The following TOX variants were observed in gnomAD, a reference collection of about 807,000 sequenced individuals.
TOX encodes thymocyte selection-associated high mobility group box protein TOX.
A neutral mutation model predicts 53.7 loss-of-function variants in TOX; 11 were observed. That is an observed-to-expected ratio of 0.20 (90% CI 0.13 to 0.34). TOX has a LOEUF of 0.34. TOX is among the 10% of genes least tolerant of loss of function. The pLI, the probability that TOX is intolerant of heterozygous loss-of-function variation, is 1.00. For missense variants in TOX, 570 were observed against 664.6 expected (o/e 0.86, Z 1.56); for synonymous variants, 225 against 245.3 (o/e 0.92, Z 0.77).
chr8:59,023,378 A>G (rs977588452), intron 1 of TOX, among the ~76,000 whole-genome samples: 18 of 17,884 alleles, frequency 1.0e-3, no homozygotes, highest in Non-Finnish European at 2.0e-3. Context: ...TCAATATTTG[A>G]GAATCACATA....
intron 1 of TOX, among the ~76,000 whole-genome samples, chr8:59,095,242 TG>T (rs201971469): frequency 0.013 from 1,988 of 151,580 alleles, 19 homozygotes; most frequent in Middle Eastern, 0.024. Flanking sequence ...CTAAAAGAGT[TG>T]TTTTTTTTTT....
intron 1 of TOX, among the ~76,000 whole-genome samples, chr8:59,115,816 G>A (rs1805090456): frequency 6.6e-6 from 1 of 152,070 alleles, no homozygotes; most frequent in South Asian, 2.1e-4. Flanking sequence ...TTCCCACAAT[G>A]GGCTATGTGA....
At chr8:59,070,212 AAAGTTT>A (rs1243464423) in intron 1 of TOX, among the ~76,000 whole-genome samples, 1 of 152,192 alleles carries the variant, frequency 6.6e-6, no homozygotes, top group Non-Finnish European at 1.5e-5. Flanking sequence ...GAATAATTAA[AAAGTTT>A]AAGTTTAAAT....
At chr8:58,964,635 C>A (rs796994004) in intron 1 of TOX, among the ~76,000 whole-genome samples, 1 of 152,128 alleles carries the variant, frequency 6.6e-6, no homozygotes, top group African/African-American at 2.4e-5. Flanking sequence ...GGCCTGAAAC[C>A]ATCATATCAG....
intron 1 of TOX, among the ~76,000 whole-genome samples, chr8:58,965,758 A>T (rs939040406): frequency 6.6e-6 from 1 of 152,106 alleles, no homozygotes; most frequent in African/African-American, 2.4e-5. Flanking sequence ...TAAAAATGGA[A>T]ATGTTTATAA....
At chr8:59,104,810 C>T (rs1448890721) in intron 1 of TOX, among the ~76,000 whole-genome samples, 2 of 152,120 alleles carry the variant, frequency 1.3e-5, no homozygotes, top group African/African-American at 4.8e-5. Context: ...ATTGAAATGC[C>T]ATCTCCTCCA....
intron 1 of TOX, among the ~76,000 whole-genome samples, chr8:58,976,858 G>A (rs902083264): frequency 6.6e-6 from 1 of 152,170 alleles, no homozygotes; most frequent in African/African-American, 2.4e-5. Flanking sequence ...CTAAGCAGTA[G>A]GTCTCAACAG....
intron 1 of TOX, among the ~76,000 whole-genome samples, chr8:59,023,311 C>T (rs1022299616): frequency 3.9e-5 from 6 of 152,228 alleles, no homozygotes; most frequent in African/African-American, 1.2e-4. Flanking sequence ...GTTGCATGCA[C>T]CTTTCACACT....
At chr8:58,814,750 G>A (rs1459314693) in intron 7 of TOX, among the ~76,000 whole-genome samples, 2 of 152,150 alleles carry the variant, frequency 1.3e-5, no homozygotes, top group East Asian at 1.9e-4. Flanking sequence ...AGTGGGTAGG[G>A]AGGCTTCCAA....
intron 2 of TOX, among the ~76,000 whole-genome samples, chr8:58,955,369 G>A (rs926114406): frequency 6.6e-6 from 1 of 151,774 alleles, no homozygotes; most frequent in Non-Finnish European, 1.5e-5. Context: ...GAAAGAAGAA[G>A]GAAGAAAGGA....
Position 58,883,515 on chromosome 8 carries a change from C to T in TOX, c.412-31710G>A, listed in dbSNP as rs371210022. On this transcript the variant is annotated intron_variant, in intron 3 of 8. Coordinates refer to ENST00000361421, the MANE Select transcript of TOX (RefSeq NM_014729.3). ...AACGAAACTTCATGTTACTTCTGTTCTTAAAATCATTTTCTACATTGACAA... is the reference window on the plus strand; with the variant it reads ...AACGAAACTTCATGTTACTTCTGTTTTTAAAATCATTTTCTACATTGACAA... 2.8e-4 allele frequency among the ~76,000 whole-genome samples: 43 copies of T among 152,246 alleles called. 1 individual carries two copies. Among genetic ancestry groups the T allele is most frequent in the African/African-American group, 1.0e-3 (43 of 41,556 alleles).
At chr8:58,821,468 T>G (rs954039797) in intron 6 of TOX, among the ~76,000 whole-genome samples, 13 of 152,252 alleles carry the variant, frequency 8.5e-5, no homozygotes, top group Non-Finnish European at 1.8e-4. Flanking sequence ...TAACATGAGA[T>G]CTACCATCTT....
chr8:59,041,805 T>C (rs769909263), intron 1 of TOX, among the ~76,000 whole-genome samples: 1 of 152,214 alleles, frequency 6.6e-6, no homozygotes, highest in Non-Finnish European at 1.5e-5. Context: ...AAATCAACAC[T>C]GTCTACCACC....
In TOX at chr8:58,836,179, G is replaced by C. The variant is rs376557964; in HGVS notation, c.924+1902C>G. 1.2e-4 allele frequency among the ~76,000 whole-genome samples: 18 copies of C among 152,242 alleles called. No individual in the cohort carries two copies. In the South Asian group the frequency reaches 3.3e-3, roughly 28 times the overall value. Reference sequence around the variant, plus strand: ...ATGGGTGGAGCAGGGAGGCATTAAGGTGACATTAAGGGAACAGGGAGGGGG... The same window carrying C: ...ATGGGTGGAGCAGGGAGGCATTAAGCTGACATTAAGGGAACAGGGAGGGGG... On this transcript the variant is annotated intron_variant, in intron 5 of 8. Transcript: ENST00000361421.
At chr8:58,861,597 G>A (rs927620688) in intron 3 of TOX, among the ~76,000 whole-genome samples, 7 of 152,174 alleles carry the variant, frequency 4.6e-5, no homozygotes, top group Admixed American at 1.3e-4. Flanking sequence ...TCAAAGGATT[G>A]TGTGCATTGA....
intron 1 of TOX, among the ~76,000 whole-genome samples, chr8:59,013,905 T>C (rs1407195754): frequency 6.6e-6 from 1 of 152,244 alleles, no homozygotes; most frequent in Non-Finnish European, 1.5e-5. Flanking sequence ...CTTTACAGAA[T>C]AATCATGTCC....
At chr8:58,825,432 A>G (rs950639508) in intron 6 of TOX, among the ~76,000 whole-genome samples, 1 of 152,226 alleles carries the variant, frequency 6.6e-6, no homozygotes, top group Non-Finnish European at 1.5e-5. Flanking sequence ...ACTGAATAGT[A>G]AGAAAAGTTG....
At chr8:58,898,100 A>C (rs1811681280) in intron 3 of TOX, among the ~76,000 whole-genome samples, 1 of 152,226 alleles carries the variant, frequency 6.6e-6, no homozygotes, top group African/African-American at 2.4e-5. Context: ...AGCACATGGT[A>C]AACACATACA....
intron 1 of TOX, among the ~76,000 whole-genome samples, chr8:58,972,960 C>T (rs149140553): frequency 6.1e-4 from 93 of 152,188 alleles, no homozygotes; most frequent in Middle Eastern, 3.4e-3. Flanking sequence ...AATCTTTTAA[C>T]GTTATTTGAG....
Sources: gnomAD v4.1 joint callset for allele counts (sites outside exome capture counted in the v4.1 genomes callset) on GRCh38, gnomAD v4.1.1 for gene constraint, MANE v1.5 for transcripts, NCBI Gene and HGNC (gene_info 2026-07-23, HGNC 2026-07-21) for gene names.